Variants in DYSF observed in about 807,000 individuals in gnomAD.
DYSF encodes the protein dysferlin, also known as dystrophy-associated fer-1-like 1.
A neutral mutation model predicts 274.9 loss-of-function variants in DYSF; 212 were observed. The ratio of observed to expected loss-of-function variants is 0.77; its 90% CI spans 0.69 to 0.86. The LOEUF is 0.86. Among genes scored for constraint, DYSF ranks in the 40% least tolerant of loss-of-function variants. The pLI is 0.00. For missense variants in DYSF, 2,666 were observed against 2,783.2 expected (o/e 0.96, Z 0.95); for synonymous variants, 1,091 against 1,078.7 (o/e 1.01, Z -0.22).
In DYSF at chr2:71,565,246, C is replaced by CTTTTTTT. The variant is rs796705736; in HGVS notation, c.2565+1045_2565+1051dup. Among the ~76,000 whole-genome samples, 143 of 131,322 alleles carry CTTTTTTT rather than the reference C, an allele frequency of 1.1e-3. 2 individuals are homozygous for CTTTTTTT. Among genetic ancestry groups the CTTTTTTT allele is most frequent in the Middle Eastern group, 4.1e-3 (1 of 244 alleles). 86.2% of individuals were successfully genotyped at this position (131,322 alleles called of 152,430 possible). A position where few individuals can be genotyped will look rare whatever the true frequency, so the allele number is the denominator to read the frequency against. ...TAGGCGTTTGCCAACCCACCCAGCT[C>CTTTTTTT]TTTTTTTTTTTTTTTTTTAATTTTA... On this transcript the variant is annotated intron_variant, in intron 24 of 55. Transcript: ENST00000410020.
chr2:71,631,060 A>T (rs1435722374), intron 41 of DYSF, among the ~76,000 whole-genome samples: 4 of 151,972 alleles, frequency 2.6e-5, no homozygotes, highest in Non-Finnish European at 5.9e-5. Context: ...GGTTGGGGGG[A>T]TGTGGGATGC....
intron 32 of DYSF, among the ~76,000 whole-genome samples, chr2:71,597,094 G>T (rs2152853831): frequency 6.6e-6 from 1 of 152,312 alleles, no homozygotes; most frequent in African/African-American, 2.4e-5. Flanking sequence ...AGCCTGTCTT[G>T]CTCTTCTCCC....
chr2:71,669,840 A>G, intron 51 of DYSF, 94 bp downstream of exon 51: 1 of 1,541,558 alleles, frequency 6.5e-7, no homozygotes, highest in Non-Finnish European at 8.9e-7. Context: ...AACTGTCACA[A>G]TCTCACTGCT....
At chr2:71,619,078 G>C (rs2094024683) in intron 40 of DYSF, among the ~76,000 whole-genome samples, 2 of 152,048 alleles carry the variant, frequency 1.3e-5, no homozygotes, top group South Asian at 4.1e-4. Flanking sequence ...CAGATCTTTG[G>C]AGCACTATGT....
chr2:71,541,239 A>G (rs1420109603), intron 17 of DYSF, among the ~76,000 whole-genome samples: 1 of 152,240 alleles, frequency 6.6e-6, no homozygotes, highest in Non-Finnish European at 1.5e-5. Context: ...TAATTCACCC[A>G]TAAAACCATA....
chr2:71,554,192 G>A (rs1370522899), intron 21 of DYSF, among the ~76,000 whole-genome samples: 2 of 152,226 alleles, frequency 1.3e-5, no homozygotes, highest in Non-Finnish European at 2.9e-5. Flanking sequence ...GGGAGCAGAA[G>A]GAAAACCTAT....
chr2:71,512,127 G>A (rs1043621720), intron 5 of DYSF, among the ~76,000 whole-genome samples: 8 of 152,252 alleles, frequency 5.3e-5, no homozygotes, highest in Admixed American at 3.9e-4. Context: ...GGGGCAGCAG[G>A]CACGTTCCCT....
intron 42 of DYSF, among the ~76,000 whole-genome samples, chr2:71,646,479 C>CTG (rs1200355128): frequency 6.6e-6 from 1 of 152,228 alleles, no homozygotes; most frequent in East Asian, 1.9e-4. Flanking sequence ...GGAAGGAACG[C>CTG]TGGTTCTTTA....
intron 29 of DYSF, chr2:71,571,018 C>T: frequency 2.0e-6 from 1 of 511,608 alleles, no homozygotes; most frequent in Admixed American, 3.3e-5. Context: ...CCACAGATCA[C>T]ACTCAGCACA....
Position 71,681,054 on chromosome 2 carries a change from G to A in DYSF, c.6117G>A (p.Arg2039=). ...TAGCAGAGAGTGAGCATGAGGAGCG[G>A]CCTGCTGGCCAGGGCCGGGATGAGC... The part of the protein sequence containing the change: ...EIVAESEHEE[R]PAGQGRDEPN... The change falls in exon 54 of 56, where the codon CGG becomes CGA. Residue 2039 remains arginine (R), a synonymous_variant. Coordinates refer to ENST00000410020, the MANE Select transcript of DYSF (RefSeq NM_001130987.2). 1 of 1,614,208 alleles carries A rather than the reference G, an allele frequency of 6.2e-7. No individual in the cohort carries two copies. Among genetic ancestry groups the A allele is most frequent in the East Asian group, 2.2e-5 (1 of 44,884 alleles).
chr2:71,497,315 C>T (rs562097746), intron 3 of DYSF, among the ~76,000 whole-genome samples: 2 of 152,188 alleles, frequency 1.3e-5, no homozygotes, highest in East Asian at 1.9e-4. Flanking sequence ...TGGCTGTGTC[C>T]CCACCCAAAT....
intron 26 of DYSF, 131 bp from the exon 27 acceptor site, chr2:71,569,689 C>T (rs1574054204): frequency 3.9e-6 from 3 of 772,176 alleles, no homozygotes; most frequent in East Asian, 5.4e-5. Flanking sequence ...CCCTTCCCTC[C>T]CCACCCCCCA....
chr2:71,537,052 C>T lies in DYSF; in HGVS notation c.1493+1741C>T, dbSNP rs74614045. Among the ~76,000 whole-genome samples, 598 of 152,198 alleles carry T rather than the reference C, an allele frequency of 3.9e-3. 3 individuals are homozygous for T. The highest frequency in any genetic ancestry group is 0.014 in the African/African-American group (570 of 41,488). On this transcript the variant is annotated intron_variant, in intron 16 of 55. Transcript: ENST00000410020. ...CTCTCTCCTCCCACTCTCCTTCCCT[C>T]CTCTCCCAATTCAGAGAAGACTGGA... is the stretch of plus-strand genomic sequence containing the variant.
intron 49 of DYSF, 103 bp from the exon 50 acceptor site, chr2:71,669,009 C>T (rs1018808974): frequency 7.0e-6 from 9 of 1,290,884 alleles, no homozygotes; most frequent in Admixed American, 5.9e-5. Context: ...AGGCAGGCAT[C>T]GAGTCCTCTT....
At chr2:71,613,768 C>CT (rs1210445385) in intron 40 of DYSF, among the ~76,000 whole-genome samples, 1 of 152,080 alleles carries the variant, frequency 6.6e-6, no homozygotes, top group Non-Finnish European at 1.5e-5. Flanking sequence ...TGGGCCATCT[C>CT]TGGGGTCCTC....
chr2:71,668,591 C>T (rs1403888787), intron 48 of DYSF, among the ~76,000 whole-genome samples, 163 bp from the exon 49 acceptor site: 1 of 152,206 alleles, frequency 6.6e-6, no homozygotes, highest in Admixed American at 6.5e-5. Flanking sequence ...CAGTGGTCAC[C>T]TCTGCGGTTG....
At chr2:71,651,188 G>GA (rs1212806868) in intron 42 of DYSF, among the ~76,000 whole-genome samples, 1 of 151,708 alleles carries the variant, frequency 6.6e-6, no homozygotes, top group Non-Finnish European at 1.5e-5. Flanking sequence ...AAAGGAAAAG[G>GA]AAAAGCAGAA....
At chr2:71,574,562 A>G (rs1402368014) in intron 30 of DYSF, among the ~76,000 whole-genome samples, 191 bp downstream of exon 30, 1 of 152,228 alleles carries the variant, frequency 6.6e-6, no homozygotes, top group African/African-American at 2.4e-5. Context: ...GTGTTCTTCT[A>G]AAATGAAAAA....
intron 43 of DYSF, 21 bp downstream of exon 43, chr2:71,656,311 C>T: frequency 1.9e-6 from 3 of 1,613,206 alleles, no homozygotes; most frequent in Non-Finnish European, 2.5e-6. Flanking sequence ...GAAGACGTCC[C>T]TAACCCAGGT....
Sources: allele counts gnomAD v4.1 joint callset (sites outside exome capture counted in the v4.1 genomes callset), GRCh38; gene constraint gnomAD v4.1.1; transcripts MANE v1.5; gene names NCBI Gene and HGNC (gene_info 2026-07-23, HGNC 2026-07-21).